The following RPGRIP1L variants were observed in gnomAD, a reference collection of about 807,000 sequenced individuals.
RPGRIP1L encodes RPGRIP1 like.
In RPGRIP1L, 131 loss-of-function variants were observed where a neutral mutation model predicts 160.4. That is an observed-to-expected ratio of 0.82 (90% CI 0.71 to 0.94). The LOEUF is 0.94. RPGRIP1L is among the 40% of genes least tolerant of loss of function. RPGRIP1L has a pLI of 0.00. For missense variants in RPGRIP1L, 1,522 were observed against 1,535.8 expected, an observed-to-expected ratio of 0.99 and a Z score of 0.15; for synonymous variants, 510 against 515.8, an observed-to-expected ratio of 0.99 and a Z score of 0.15.
At chr16:53,702,298 G>C (rs948775103) in intron 1 of RPGRIP1L, among the ~76,000 whole-genome samples, 10 of 152,142 alleles carry the variant, frequency 6.6e-5, no homozygotes, top group African/African-American at 2.4e-4. Flanking sequence ...TGATATTTTT[G>C]GTTGTCACAA....
At position 53,638,320 on chromosome 16, in the gene RPGRIP1L, T is replaced by C. The variant is rs764044965; in HGVS notation, c.3050A>G (p.His1017Arg). ...AACACAAATGCATACCTTGGGAACATGTGGAACAGTCAGCATATTAATTTC... is the reference window on the plus strand; with the variant it reads ...AACACAAATGCATACCTTGGGAACACGTGGAACAGTCAGCATATTAATTTC... ...EIEINMLTVP[H>R]VPKVSQEGSV... The change falls in exon 20 of 27, where the codon CAT becomes CGT. Residue 1017 changes from histidine to arginine, a missense_variant. By Grantham distance (29) the His-to-Arg change is conservative (BLOSUM62 0). Transcript: ENST00000647211. The C allele has an allele frequency of 1.3e-6, 2 of 1,557,068 alleles. No individual in the cohort carries two copies. The highest frequency in any genetic ancestry group is 1.1e-5 in the South Asian group (1 of 89,854).
chr16:53,678,617 C>T (rs1468971354), intron 6 of RPGRIP1L, among the ~76,000 whole-genome samples: 1 of 151,180 alleles, frequency 6.6e-6, no homozygotes, highest in Non-Finnish European at 1.5e-5. Flanking sequence ...AAAAAAGCTT[C>T]CTGAATTTTT....
At chr16:53,622,447 C>A (rs1404948789) in intron 22 of RPGRIP1L, 91 bp from the exon 23 acceptor site, 1 of 541,936 alleles carries the variant, frequency 1.8e-6, no homozygotes, top group Non-Finnish European at 3.3e-6. Context: ...GAAATGAACT[C>A]ATTCCCTCTC....
At chr16:53,675,143 A>C (rs1390787323) in intron 6 of RPGRIP1L, 21 bp from the exon 7 acceptor site, 1 of 1,552,064 alleles carries the variant, frequency 6.4e-7, no homozygotes, top group African/African-American at 1.4e-5. Flanking sequence ...GTGTTTAAGA[A>C]AAAGAGAGAC....
chr16:53,673,564 C>A (rs1261481226), intron 7 of RPGRIP1L, among the ~76,000 whole-genome samples: 15 of 151,830 alleles, frequency 9.9e-5, no homozygotes, highest in Non-Finnish European at 2.2e-4. Context: ...GCTGTAAATT[C>A]AATTTTATAT....
At chr16:53,624,923 G>A (rs1485235055) in intron 22 of RPGRIP1L, among the ~76,000 whole-genome samples, 1 of 152,130 alleles carries the variant, frequency 6.6e-6, no homozygotes, top group African/African-American at 2.4e-5. Flanking sequence ...GCGCCACCAC[G>A]CCTGACTGGT....
chr16:53,662,642 G>T (rs1048901705), intron 10 of RPGRIP1L, among the ~76,000 whole-genome samples: 1 of 151,884 alleles, frequency 6.6e-6, no homozygotes, highest in Non-Finnish European at 1.5e-5. Context: ...GTTTTTTTGT[G>T]TATTATTTCC....
chr16:53,662,024 T>C (rs1347775822), intron 10 of RPGRIP1L, among the ~76,000 whole-genome samples: 1 of 152,160 alleles, frequency 6.6e-6, no homozygotes, highest in Non-Finnish European at 1.5e-5. Context: ...TGCTGAATTA[T>C]AATAGGCAAA....
intron 25 of RPGRIP1L, 54 bp downstream of exon 25, chr16:53,610,913 T>C: frequency 2.2e-6 from 3 of 1,359,360 alleles, no homozygotes; most frequent in Non-Finnish European, 2.1e-6. Flanking sequence ...CATGTCCTGC[T>C]ACAGAGATCT....
chr16:53,630,892 C>T (rs1965475989), intron 22 of RPGRIP1L, among the ~76,000 whole-genome samples: 1 of 151,952 alleles, frequency 6.6e-6, no homozygotes, highest in Non-Finnish European at 1.5e-5. Flanking sequence ...GCCAACACGC[C>T]CGGCTAATTT....
At position 53,696,147 on chromosome 16, in the gene RPGRIP1L, T is replaced by G. The variant is rs1023717267; in HGVS notation, c.230+4A>C. On this transcript the variant is annotated splice_donor_region_variant and intron_variant, in intron 3 of 26. Coordinates refer to ENST00000647211, the MANE Select transcript of RPGRIP1L (RefSeq NM_015272.5). ...AAAAAAAGCTAAAAGCTTTTTATCA[T>G]AACCTTTTAATTTTATCCTCCTGCT... 1 of 1,613,480 alleles carries G rather than the reference T, an allele frequency of 6.2e-7. No homozygotes were observed. The highest frequency in any genetic ancestry group is 1.3e-5 in the African/African-American group (1 of 74,908).
rs771978006 is a variant in RPGRIP1L, at chr16:53,641,339, C to T, written c.2820G>A (p.Glu940=). The T allele has an allele frequency of 6.2e-7, 1 of 1,614,076 alleles. No homozygotes were observed. The highest frequency in any genetic ancestry group is 1.7e-5 in the Admixed American group (1 of 60,000). ...EDLGNFIRSE[E]PEVVQRLPPA... Reference sequence around the variant, plus strand: ...GAGGAAGTCTTTGAACAACTTCTGGCTCTTCGCTGCGAATGAAATTTCCTA... The same window carrying T: ...GAGGAAGTCTTTGAACAACTTCTGGTTCTTCGCTGCGAATGAAATTTCCTA... The change falls in exon 18 of 27, where the codon GAG becomes GAA. Residue 940 remains glutamate, a synonymous_variant. Coordinates refer to ENST00000647211, the MANE Select transcript of RPGRIP1L (RefSeq NM_015272.5).
intron 17 of RPGRIP1L, 33 bp downstream of exon 17, chr16:53,645,592 T>A (rs1183242632): frequency 1.9e-6 from 3 of 1,599,066 alleles, no homozygotes; most frequent in Non-Finnish European, 2.6e-6. Flanking sequence ...GTTTTGTTTT[T>A]ACAATTTTAT....
At chr16:53,602,277 T>C in intron 26 of RPGRIP1L, 89 bp from the exon 27 acceptor site, 2 of 859,310 alleles carry the variant, frequency 2.3e-6, no homozygotes, top group Non-Finnish European at 3.9e-6. Context: ...GTTGAAAAGA[T>C]GAAAATAGTT....
intron 26 of RPGRIP1L, among the ~76,000 whole-genome samples, chr16:53,602,682 G>A (rs1363728713): frequency 6.6e-6 from 1 of 151,890 alleles, no homozygotes; most frequent in Non-Finnish European, 1.5e-5. Flanking sequence ...GCTGAGGCAG[G>A]AGAATCGCCT....
At chr16:53,662,463 G>C (rs1967883571) in intron 10 of RPGRIP1L, among the ~76,000 whole-genome samples, 1 of 152,086 alleles carries the variant, frequency 6.6e-6, no homozygotes, top group Non-Finnish European at 1.5e-5. Context: ...TTGCCAGTTA[G>C]ATGAATGACT....
At chr16:53,684,753 T>TA (rs1019509487) in intron 6 of RPGRIP1L, among the ~76,000 whole-genome samples, 275 of 137,954 alleles carry the variant, frequency 2.0e-3, no homozygotes, top group Admixed American at 7.8e-3. Context: ...ATAATAAAAT[T>TA]AAAAAAAAAA....
At chr16:53,603,162 G>A (rs1177758738) in intron 26 of RPGRIP1L, among the ~76,000 whole-genome samples, 3 of 152,152 alleles carry the variant, frequency 2.0e-5, no homozygotes, top group Admixed American at 6.5e-5. Context: ...CTATTTGGCT[G>A]GAGCCATGGG....
At chr16:53,623,756 T>C (rs1304367153) in intron 22 of RPGRIP1L, among the ~76,000 whole-genome samples, 5 of 152,236 alleles carry the variant, frequency 3.3e-5, no homozygotes, top group Non-Finnish European at 7.3e-5. Flanking sequence ...TATTTGCCTC[T>C]GTCTATAGAC....
Sources: allele counts gnomAD v4.1 joint callset (sites outside exome capture counted in the v4.1 genomes callset), GRCh38; gene constraint gnomAD v4.1.1; transcripts MANE v1.5; gene names NCBI Gene and HGNC (gene_info 2026-07-23, HGNC 2026-07-21).